The following CD302 variants were observed in gnomAD, a reference collection of about 807,000 sequenced individuals.
CD302 encodes the protein CD302 antigen.
CD302 carries 23 observed loss-of-function variants against 26.5 expected under a neutral mutation model. That is an observed-to-expected ratio of 0.87 (90% CI 0.62 to 1.23). CD302 has a LOEUF of 1.23. Among genes scored for constraint, CD302 ranks in the 50% most tolerant of loss-of-function variants. The pLI is 0.00. For missense variants in CD302, 290 were observed against 275.5 expected, an observed-to-expected ratio of 1.05 and a Z score of -0.37; for synonymous variants, 90 against 99.4, an observed-to-expected ratio of 0.91 and a Z score of 0.56.
intron 1 of CD302, among the ~76,000 whole-genome samples, chr2:159,785,574 A>C (rs1708645052): frequency 6.6e-6 from 1 of 152,240 alleles, no homozygotes; most frequent in Non-Finnish European, 1.5e-5. Flanking sequence ...GTCTGAAAAC[A>C]AGACACTTGG....
intron 5 of CD302, among the ~76,000 whole-genome samples, chr2:159,773,786 T>C (rs1708227800): frequency 6.6e-6 from 1 of 152,244 alleles, no homozygotes; most frequent in African/African-American, 2.4e-5. Flanking sequence ...ATGTATTATC[T>C]ACCTCATTAA....
In CD302 at chr2:159,771,530, G is replaced by C. The variant is rs1401480868; in HGVS notation, c.*321C>G. 4.5e-6 allele frequency: 1 copy of C among 220,546 alleles called. No homozygotes were observed. Among genetic ancestry groups the C allele is most frequent in the Non-Finnish European group, 9.0e-6 (1 of 110,524 alleles). The allele number at this position is 220,546 out of a possible 1,614,324, so 13.7% of individuals were successfully genotyped here. A position where few individuals can be genotyped will look rare whatever the true frequency, so the allele number is the denominator to read the frequency against. ...AAACTAAAGTGGGTCAACTAAATAG[G>C]GAAGATACAGCAGGCAAGACAAATA... On this transcript the variant is annotated 3_prime_UTR_variant, in exon 6 of 6. Transcript: ENST00000259053.
rs1375321393 is a variant in CD302, at chr2:159,771,808, C to T, written c.*43G>A. 1.3e-6 allele frequency: 2 copies of T among 1,599,872 alleles called. No homozygotes were observed. The highest frequency in any genetic ancestry group is 1.8e-4 in the Middle Eastern group (1 of 5,680). Reference sequence around the variant, plus strand: ...TAAAATCTTTCCCAAGTTATCTCTGCCAGGGCATTTTGTTGATGTCTTAGT... The same window carrying T: ...TAAAATCTTTCCCAAGTTATCTCTGTCAGGGCATTTTGTTGATGTCTTAGT... On this transcript the variant is annotated 3_prime_UTR_variant, in exon 6 of 6. Transcript: ENST00000259053.
chr2:159,790,846 A>C, intron 1 of CD302, among the ~76,000 whole-genome samples: 1 of 152,332 alleles, frequency 6.6e-6, no homozygotes, highest in African/African-American at 2.4e-5. Flanking sequence ...TAACTCGACA[A>C]TATATAAAAA....
chr2:159,785,983 A>G (rs1405942668), intron 1 of CD302, among the ~76,000 whole-genome samples: 1 of 152,202 alleles, frequency 6.6e-6, no homozygotes, highest in Non-Finnish European at 1.5e-5. Context: ...GATAACATCT[A>G]CCTCATTGGA....
intron 1 of CD302, among the ~76,000 whole-genome samples, chr2:159,788,396 G>A (rs542595724): frequency 2.0e-5 from 3 of 152,286 alleles, no homozygotes; most frequent in Non-Finnish European, 2.9e-5. Context: ...TACAGGTTCC[G>A]CAAGTTACTG....
At chr2:159,794,292 TAAAATAA>T (rs1483525644) in intron 1 of CD302, among the ~76,000 whole-genome samples, 25 of 45,654 alleles carry the variant, frequency 5.5e-4, no homozygotes, top group African/African-American at 1.6e-3. Context: ...TAAAATAAAA[TAAAATAA>T]AATAATAAAA....
intron 1 of CD302, among the ~76,000 whole-genome samples, chr2:159,789,950 G>A (rs894003717): frequency 2.0e-5 from 3 of 150,224 alleles, no homozygotes; most frequent in Non-Finnish European, 3.0e-5. Flanking sequence ...CAGCAAATAC[G>A]ATTCTTATGG....
chr2:159,782,414 CAAAAAAAAAAAA>C (rs72068957), intron 2 of CD302, among the ~76,000 whole-genome samples: 1 of 70,730 alleles, frequency 1.4e-5, no homozygotes, highest in Non-Finnish European at 2.5e-5. Context: ...CTCCATCTCA[CAAAAAAAAAAAA>C]AAAAAAAAAA....
At chr2:159,784,408 T>G (rs1243651842) in intron 1 of CD302, among the ~76,000 whole-genome samples, 3 of 131,270 alleles carry the variant, frequency 2.3e-5, no homozygotes, top group South Asian at 5.1e-4. Context: ...CTGGCTGGAG[T>G]GCAGTGGCGC....
chr2:159,796,105 C>G (rs560137009), intron 1 of CD302, among the ~76,000 whole-genome samples: 2 of 152,310 alleles, frequency 1.3e-5, no homozygotes, highest in South Asian at 2.1e-4. Context: ...GAATGACAGA[C>G]AATAACAATG....
chr2:159,792,877 C>T (rs1708846149), intron 1 of CD302, among the ~76,000 whole-genome samples: 1 of 152,120 alleles, frequency 6.6e-6, no homozygotes, highest in African/African-American at 2.4e-5. Flanking sequence ...CATGGAACCC[C>T]TTTTCTCATG....
intron 1 of CD302, among the ~76,000 whole-genome samples, chr2:159,789,425 T>C (rs1708749782): frequency 6.6e-6 from 1 of 152,220 alleles, no homozygotes; most frequent in African/African-American, 2.4e-5. Flanking sequence ...TTTAAAATTC[T>C]CAATCTTAGT....
At chr2:159,780,846 A>G in intron 3 of CD302, 36 bp downstream of exon 3, 1 of 1,588,782 alleles carries the variant, frequency 6.3e-7, no homozygotes, top group Non-Finnish European at 8.6e-7. Flanking sequence ...AAAAAAGAAC[A>G]ACAAAGTCAC....
chr2:159,777,285 C>T (rs974098975), intron 5 of CD302, among the ~76,000 whole-genome samples: 1 of 152,166 alleles, frequency 6.6e-6, no homozygotes, highest in Non-Finnish European at 1.5e-5. Flanking sequence ...AGGTGCTCAA[C>T]ATCATTATCA....
At chr2:159,794,709 C>T (rs539230886) in intron 1 of CD302, among the ~76,000 whole-genome samples, 6 of 151,106 alleles carry the variant, frequency 4.0e-5, no homozygotes, top group Admixed American at 6.6e-5. Flanking sequence ...CCACCACGCC[C>T]GGCTAATTTT....
chr2:159,783,310 CTG>C, intron 2 of CD302, 47 bp downstream of exon 2: 1 of 1,405,484 alleles, frequency 7.1e-7, no homozygotes, highest in Non-Finnish European at 9.6e-7. Context: ...TTAATGAACA[CTG>C]TTCACTAATT....
chr2:159,773,595 A>G (rs1237661815), intron 5 of CD302, among the ~76,000 whole-genome samples: 3 of 152,362 alleles, frequency 2.0e-5, no homozygotes, highest in East Asian at 3.9e-4. Context: ...CAGTAAGTAT[A>G]TATGCTGCTT....
intron 5 of CD302, among the ~76,000 whole-genome samples, chr2:159,773,277 G>A (rs1708212012): frequency 6.6e-6 from 1 of 152,246 alleles, no homozygotes; most frequent in South Asian, 2.1e-4. Flanking sequence ...GCCTCCCAGA[G>A]TGCTGGGATT....
Sources: gnomAD v4.1 joint callset for allele counts (sites outside exome capture counted in the v4.1 genomes callset) on GRCh38, gnomAD v4.1.1 for gene constraint, MANE v1.5 for transcripts, NCBI Gene and HGNC (gene_info 2026-07-23, HGNC 2026-07-21) for gene names.